Variants in TFDP2 observed in about 807,000 individuals in gnomAD.
TFDP2 encodes the protein transcription factor Dp-2, also known as transcription factor Dp-2 (E2F dimerization partner 2).
TFDP2 carries 17 observed loss-of-function variants against 59.3 expected under a neutral mutation model. That is an observed-to-expected ratio of 0.29 (90% CI 0.20 to 0.43). TFDP2 has a LOEUF of 0.43. Ranked by LOEUF, TFDP2 falls within the 20% of genes least tolerant of loss-of-function variation. The probability of loss-of-function intolerance (pLI) is 1.00; values close to 1 mark genes in which losing one functional copy is unlikely to be tolerated. For missense variants in TFDP2, 391 were observed against 528.8 expected (o/e 0.74, Z 2.56); for synonymous variants, 180 against 194.7 (o/e 0.92, Z 0.63).
intron 4 of TFDP2, among the ~76,000 whole-genome samples, chr3:141,998,549 G>T (rs571551831): frequency 1.3e-5 from 2 of 152,178 alleles, no homozygotes; most frequent in South Asian, 4.1e-4. Flanking sequence ...CCTGGGAAGC[G>T]GAGGCTGCAG....
Position 141,947,301 on chromosome 3 carries a change from A to G in TFDP2, c.*5212T>C, listed in dbSNP as rs990356576. 1 of 152,246 alleles carries G rather than the reference A, an allele frequency of 6.6e-6. No homozygotes were observed. The highest frequency in any genetic ancestry group is 2.4e-5 in the African/African-American group (1 of 41,464). 9.4% of individuals were successfully genotyped at this position (152,246 alleles called of 1,614,324 possible). A position where few individuals can be genotyped will look rare whatever the true frequency, so the allele number is the denominator to read the frequency against. On this transcript the variant is annotated 3_prime_UTR_variant, in exon 13 of 13. Coordinates refer to ENST00000489671, the MANE Select transcript of TFDP2 (RefSeq NM_001178139.2). ...TTGGGAAAACGGTTCTTAGAAGTCC[A>G]GTCATCAGCTTCACCAAAGCCAGCC...
chr3:141,982,648 ATAGTCATACCTGGATAATATTTG>A (rs887912189), intron 6 of TFDP2, among the ~76,000 whole-genome samples: 1 of 152,200 alleles, frequency 6.6e-6, no homozygotes, highest in African/African-American at 2.4e-5. Flanking sequence ...TTGGCTCTCT[ATAGTCATACCTGGATAATATTTG>A]TAGTCATACC....
chr3:142,066,227 C>T (rs1289469248), intron 3 of TFDP2, among the ~76,000 whole-genome samples: 4 of 152,158 alleles, frequency 2.6e-5, no homozygotes, highest in Admixed American at 6.6e-5. Flanking sequence ...ATTCCTGTTT[C>T]CAGGCTGTGA....
intron 7 of TFDP2, among the ~76,000 whole-genome samples, chr3:141,978,003 C>T (rs1940958465): frequency 6.6e-6 from 1 of 150,980 alleles, no homozygotes; most frequent in African/African-American, 2.4e-5. Context: ...AGCCACCGCG[C>T]CTGGCCAAAT....
intron 1 of TFDP2, among the ~76,000 whole-genome samples, chr3:142,108,451 C>T (rs2061550927): frequency 6.6e-6 from 1 of 152,092 alleles, no homozygotes; most frequent in Admixed American, 6.6e-5. Context: ...CTCAAGTGAC[C>T]CGCCCACCTC....
chr3:141,986,513 C>T (rs1942112723), intron 6 of TFDP2, among the ~76,000 whole-genome samples: 1 of 152,186 alleles, frequency 6.6e-6, no homozygotes, highest in African/African-American at 2.4e-5. Flanking sequence ...GACTGTATTT[C>T]ATTCATTTCA....
intron 6 of TFDP2, among the ~76,000 whole-genome samples, chr3:141,992,334 C>T (rs1262143101): frequency 6.6e-6 from 1 of 151,998 alleles, no homozygotes; most frequent in African/African-American, 2.4e-5. Context: ...GAACCAATGG[C>T]TACACTATAA....
chr3:142,029,010 T>C (rs1229175155), intron 3 of TFDP2: 1 of 152,646 alleles, frequency 6.6e-6, no homozygotes, highest in Non-Finnish European at 1.5e-5. Context: ...CACTTGCCTT[T>C]TAACTAACTT....
At chr3:141,971,374 TAAAAAAAAAA>T (rs56219575) in intron 8 of TFDP2, among the ~76,000 whole-genome samples, 1 of 80,024 alleles carries the variant, frequency 1.2e-5, no homozygotes, top group African/African-American at 4.6e-5. Context: ...TCGTCTCTAC[TAAAAAAAAAA>T]AAAAAAAAAA....
rs189227859 is a variant in TFDP2 at position 142,013,563 on chromosome 3, C to T, written c.83-8019G>A. 3.3e-5 allele frequency among the ~76,000 whole-genome samples: 5 copies of T among 152,288 alleles called. No individual in the cohort carries two copies. The East Asian group carries it at 9.6e-4, about 29-fold the overall frequency. ...CTGGGACTCAGTGTATTAAAAACAA[C>T]GATTTTTAATGTTGCCTGGATTTTG... is the stretch of plus-strand genomic sequence containing the variant. On this transcript the variant is annotated intron_variant, in intron 3 of 12. Coordinates refer to ENST00000489671, the MANE Select transcript of TFDP2 (RefSeq NM_001178139.2).
intron 5 of TFDP2, 77 bp downstream of exon 5, chr3:141,994,943 C>A: frequency 2.3e-6 from 3 of 1,300,702 alleles, no homozygotes; most frequent in Admixed American, 2.6e-5. Flanking sequence ...AAAACAAGAA[C>A]AGAAGACAAG....
At chr3:142,148,833 TG>T (rs1387722246) in intron 1 of TFDP2, among the ~76,000 whole-genome samples, 4 of 152,176 alleles carry the variant, frequency 2.6e-5, no homozygotes, top group Non-Finnish European at 5.9e-5. Context: ...CTGTGAGTCA[TG>T]AAAGGAGAAG....
rs180963032 is a variant in TFDP2, at chr3:142,123,741, A to C, written c.-92-21900T>G. 2.2e-3 allele frequency among the ~76,000 whole-genome samples: 342 copies of C among 152,374 alleles called. 2 individuals carry two copies. Among genetic ancestry groups the C allele is most frequent in the African/African-American group, 7.5e-3 (314 of 41,592 alleles). ...ACTAAAGAAACAATCCCATTAAATA[A>C]AAGAAAGAAATGATTTCTACTATTA... is the stretch of plus-strand genomic sequence containing the variant. On this transcript the variant is annotated intron_variant, in intron 1 of 12. Transcript: ENST00000489671.
intron 3 of TFDP2, among the ~76,000 whole-genome samples, chr3:142,057,204 T>C (rs2059776335): frequency 6.6e-6 from 1 of 152,196 alleles, no homozygotes; most frequent in Non-Finnish European, 1.5e-5. Flanking sequence ...CACACTTCCA[T>C]GGCCACCATA....
intron 6 of TFDP2, among the ~76,000 whole-genome samples, chr3:141,989,960 C>A (rs1942575125): frequency 6.6e-6 from 1 of 151,754 alleles, no homozygotes; most frequent in South Asian, 2.1e-4. Context: ...GTGGCACGAA[C>A]TTGGCTCACT....
At chr3:142,089,325 T>G (rs116569859) in intron 3 of TFDP2, among the ~76,000 whole-genome samples, 23 of 150,434 alleles carry the variant, frequency 1.5e-4, no homozygotes, top group Non-Finnish European at 2.8e-4. Context: ...ATTAATAGAA[T>G]AGTGATAACT....
At chr3:142,084,103 C>A (rs2060729784) in intron 3 of TFDP2, among the ~76,000 whole-genome samples, 1 of 152,190 alleles carries the variant, frequency 6.6e-6, no homozygotes, top group South Asian at 2.1e-4. Flanking sequence ...AAACTACCCA[C>A]CTGACAAGAG....
intron 3 of TFDP2, among the ~76,000 whole-genome samples, chr3:142,016,847 T>C (rs1216903202): frequency 6.6e-6 from 1 of 152,178 alleles, no homozygotes; most frequent in Admixed American, 6.5e-5. Flanking sequence ...TGGCATCACA[T>C]CTCAGTTAGC....
chr3:142,121,554 T>C lies in TFDP2; in HGVS notation c.-92-19713A>G, dbSNP rs906940711. ...AGTTAACACAGAAACCTAAGCACTT[T>C]ACGGTCAATCCAACTATTGTATTAA... On this transcript the variant is annotated intron_variant, in intron 1 of 12. Coordinates refer to ENST00000489671, the MANE Select transcript of TFDP2 (RefSeq NM_001178139.2). The surrounding 1 kb of genome is among the most constrained non-coding windows in gnomAD (Gnocchi z 4.3). Among the ~76,000 whole-genome samples the C allele has an allele frequency of 5.9e-5, 9 of 152,178 alleles. No homozygotes were observed. Among genetic ancestry groups the C allele is most frequent in the African/African-American group, 2.2e-4 (9 of 41,438 alleles).
Sources: gnomAD v4.1 joint callset for allele counts (sites outside exome capture counted in the v4.1 genomes callset) on GRCh38, gnomAD v4.1.1 for gene constraint, Gnocchi (gnomAD v3.1) non-coding constraint, MANE v1.5 for transcripts, NCBI Gene and HGNC (gene_info 2026-07-23, HGNC 2026-07-21) for gene names.